KIAA1217: variants seen among roughly 807,000 people sequenced by gnomAD.
KIAA1217 encodes the protein KIAA1217, also known as sickle tail protein homolog.
Under a neutral mutation model 163.9 loss-of-function variants are expected in KIAA1217, and 88 were observed. The observed-to-expected ratio is 0.54, with a 90% confidence interval of 0.45 to 0.64. KIAA1217 has a LOEUF of 0.64. KIAA1217 is among the 30% of genes least tolerant of loss of function. The pLI is 0.00. For missense variants in KIAA1217, 2,372 were observed against 2,475.0 expected (o/e 0.96, Z 0.88); for synonymous variants, 903 against 923.1 (o/e 0.98, Z 0.39).
intron 1 of KIAA1217, among the ~76,000 whole-genome samples, chr10:23,892,086 C>T (rs1841441701): frequency 6.6e-6 from 1 of 151,754 alleles, no homozygotes; most frequent in Non-Finnish European, 1.5e-5. Flanking sequence ...ATAAAAATAA[C>T]ACACACTATA....
rs190430413 is a variant in KIAA1217, at chr10:24,229,734, G to A, written c.354+9825G>A. ...AGGTTTCACCATATTGGCCAGGCTG[G>A]TCTCAAACTCCTGACCTTGTGATCT... On this transcript the variant is annotated intron_variant, in intron 2 of 20. Transcript: ENST00000376454. Among the ~76,000 whole-genome samples the A allele has an allele frequency of 3.5e-4, 53 of 152,254 alleles. No individual in the cohort carries two copies. The East Asian group carries it at 6.7e-3, about 19-fold the overall frequency.
intron 1 of KIAA1217, among the ~76,000 whole-genome samples, chr10:23,861,084 TG>T (rs1380102731): frequency 6.6e-6 from 1 of 151,882 alleles, no homozygotes; most frequent in Non-Finnish European, 1.5e-5. Context: ...GGCTAATTTT[TG>T]TATTTTTTGT....
chr10:24,185,907 T>A (rs2066407803), intron 2 of KIAA1217, among the ~76,000 whole-genome samples: 1 of 151,656 alleles, frequency 6.6e-6, no homozygotes, highest in Non-Finnish European at 1.5e-5. Flanking sequence ...GAGGTTGCAG[T>A]GAGCTGAGAT....
intron 3 of KIAA1217, among the ~76,000 whole-genome samples, chr10:24,397,108 C>G (rs374669773): frequency 6.1e-5 from 7 of 114,736 alleles, no homozygotes; most frequent in African/African-American, 2.0e-4. Context: ...GTAAGAAACT[C>G]TTTTTTTTTT....
intron 9 of KIAA1217, among the ~76,000 whole-genome samples, chr10:24,502,148 A>G (rs989651367): frequency 1.3e-5 from 2 of 151,228 alleles, no homozygotes; most frequent in African/African-American, 4.9e-5. Context: ...CACGGGGAGC[A>G]TGCCGACAGC....
chr10:24,403,639 T>A (rs1481320518), intron 3 of KIAA1217, among the ~76,000 whole-genome samples: 1 of 152,098 alleles, frequency 6.6e-6, no homozygotes, highest in Non-Finnish European at 1.5e-5. Context: ...TATAAAGAAC[T>A]CTTAAAACTC....
chr10:24,536,278 C>T lies in KIAA1217; in HGVS notation c.3415-496C>T, dbSNP rs2297326. 6.6e-4 allele frequency among the ~76,000 whole-genome samples: 101 copies of T among 152,162 alleles called. 1 individual carries two copies. In the East Asian group the frequency reaches 0.015, roughly 23 times the overall value. ...ATGAGCCTCAGAACACCTCGGAGCG[C>T]GGTAGTACCTGTTACTATTTCAGAG... On this transcript the variant is annotated intron_variant, in intron 16 of 20. Transcript: ENST00000376454.
intron 1 of KIAA1217, among the ~76,000 whole-genome samples, chr10:23,919,969 G>A (rs1328030978): frequency 1.3e-5 from 2 of 152,124 alleles, no homozygotes; most frequent in East Asian, 3.9e-4. Context: ...TCCAGAAAGA[G>A]AGGGCTTCCA....
chr10:24,057,775 G>A (rs552078163), intron 2 of KIAA1217, among the ~76,000 whole-genome samples: 9 of 151,946 alleles, frequency 5.9e-5, no homozygotes, highest in African/African-American at 2.2e-4. Context: ...TTAAACCGTA[G>A]GTGTTCCTTA....
chr10:23,854,139 T>G (rs1326629649), intron 1 of KIAA1217, among the ~76,000 whole-genome samples: 1 of 152,146 alleles, frequency 6.6e-6, no homozygotes, highest in Admixed American at 6.5e-5. Context: ...CTGCTTTCTC[T>G]TGTGGGCATT....
At chr10:24,380,048 A>G (rs1046370807) in intron 2 of KIAA1217, among the ~76,000 whole-genome samples, 4 of 152,136 alleles carry the variant, frequency 2.6e-5, no homozygotes, top group East Asian at 3.9e-4. Flanking sequence ...ATGAAACGCC[A>G]TCTCAGAAAA....
chr10:24,262,985 T>C (rs934744981), intron 2 of KIAA1217, among the ~76,000 whole-genome samples: 8 of 151,728 alleles, frequency 5.3e-5, no homozygotes, highest in Middle Eastern at 6.8e-3. Flanking sequence ...TGTAAGTCAC[T>C]TCAGTATTAG....
rs554782802 is a variant in KIAA1217, at chr10:24,317,153, G to A, written c.355-63716G>A. On this transcript the variant is annotated intron_variant, in intron 2 of 20. Coordinates refer to ENST00000376454, the MANE Select transcript of KIAA1217 (RefSeq NM_019590.5). Reference sequence around the variant, plus strand: ...TTCATGTAGTTTCTTGTCCAAAACTGTATATGAGAGCAGAAATGATTGATT... The same window carrying A: ...TTCATGTAGTTTCTTGTCCAAAACTATATATGAGAGCAGAAATGATTGATT... Among the ~76,000 whole-genome samples the A allele has an allele frequency of 3.3e-5, 5 of 152,068 alleles. No homozygotes were observed. The South Asian group carries it at 1.0e-3, about 32-fold the overall frequency.
intron 1 of KIAA1217, among the ~76,000 whole-genome samples, chr10:23,934,572 TA>T (rs1564545460): frequency 0.034 from 2,848 of 83,840 alleles, 462 homozygotes; most frequent in African/African-American, 0.21. Context: ...TATATATATA[TA>T]TATATATATA....
intron 1 of KIAA1217, among the ~76,000 whole-genome samples, chr10:23,894,266 T>C (rs1198959181): frequency 6.6e-6 from 1 of 151,928 alleles, no homozygotes; most frequent in Admixed American, 6.6e-5. Context: ...AAAATCTCCT[T>C]CAGCTGATAA....
intron 2 of KIAA1217, among the ~76,000 whole-genome samples, chr10:24,133,860 G>A (rs929666087): frequency 6.6e-6 from 1 of 152,188 alleles, no homozygotes; most frequent in South Asian, 2.1e-4. Context: ...GTAACCTACT[G>A]TGAAAATAGA....
intron 2 of KIAA1217, among the ~76,000 whole-genome samples, chr10:24,051,849 A>T (rs1391054577): frequency 6.6e-6 from 1 of 152,132 alleles, no homozygotes; most frequent in Non-Finnish European, 1.5e-5. Flanking sequence ...GATTCTGGAT[A>T]TCAGTCCTTT....
chr10:24,252,942 C>T (rs112797622), intron 2 of KIAA1217, among the ~76,000 whole-genome samples: 5 of 151,550 alleles, frequency 3.3e-5, no homozygotes, highest in African/African-American at 9.7e-5. Context: ...CGATTGAGCC[C>T]GGGAGTTTGA....
intron 1 of KIAA1217, among the ~76,000 whole-genome samples, chr10:23,745,805 G>A (rs1839376886): frequency 6.6e-6 from 1 of 152,116 alleles, no homozygotes; most frequent in South Asian, 2.1e-4. Flanking sequence ...AGACAGGACT[G>A]GCAAGAAGTT....
Sources: allele counts gnomAD v4.1 joint callset (sites outside exome capture counted in the v4.1 genomes callset), GRCh38; gene constraint gnomAD v4.1.1; transcripts MANE v1.5; gene names NCBI Gene and HGNC (gene_info 2026-07-23, HGNC 2026-07-21).